Variants in RAB5A observed in about 807,000 individuals in gnomAD.
RAB5A encodes RAB5A, member RAS oncogene family.
A neutral mutation model predicts 25.7 loss-of-function variants in RAB5A; 8 were observed. The ratio of observed to expected loss-of-function variants is 0.31; its 90% CI spans 0.18 to 0.56. The LOEUF is 0.56. Among genes scored for constraint, RAB5A ranks in the 20% least tolerant of loss-of-function variants. RAB5A has a pLI of 0.91. For synonymous variants in RAB5A, 98 were observed against 89.8 expected (o/e 1.09, Z -0.52); for missense variants, 192 against 259.7 (o/e 0.74, Z 1.79).
chr3:19,975,960 G>A, intron 3 of RAB5A, 87 bp from the exon 4 acceptor site: 1 of 1,494,956 alleles, frequency 6.7e-7, no homozygotes, highest in Non-Finnish European at 9.0e-7. Flanking sequence ...CAGTCACTTG[G>A]GACAGTCTTT....
chr3:19,958,368 A>AG (rs1696536105), intron 2 of RAB5A, among the ~76,000 whole-genome samples: 3 of 152,242 alleles, frequency 2.0e-5, no homozygotes, highest in African/African-American at 7.2e-5. Flanking sequence ...ACCTAAAAAA[A>AG]TCTTTCGGTA....
chr3:19,959,734 G>T (rs1310343909), intron 2 of RAB5A, among the ~76,000 whole-genome samples: 1 of 149,934 alleles, frequency 6.7e-6, no homozygotes, highest in East Asian at 2.0e-4. Flanking sequence ...TCAAGCAGTC[G>T]TCTCACCTCA....
rs1234243731 is a variant in RAB5A at position 19,984,282 on chromosome 3, C to T, written c.*459C>T. On this transcript the variant is annotated 3_prime_UTR_variant, in exon 6 of 6. Coordinates refer to ENST00000273047, the MANE Select transcript of RAB5A (RefSeq NM_004162.5). ...TAGCCATAGTATTCAGGCAAATGTT[C>T]ATTTCTCCTGGTACCTGTATTTAAA... The T allele has an allele frequency of 2.3e-6, 1 of 429,444 alleles. No individual in the cohort carries two copies. Among genetic ancestry groups the T allele is most frequent in the Non-Finnish European group, 4.6e-6 (1 of 219,710 alleles). The allele number at this position is 429,444 out of a possible 1,614,324, so 26.6% of individuals were successfully genotyped here.
At chr3:19,964,531 C>T (rs2125185553) in intron 2 of RAB5A, among the ~76,000 whole-genome samples, 1 of 152,296 alleles carries the variant, frequency 6.6e-6, no homozygotes, top group South Asian at 2.1e-4. Flanking sequence ...GGGTCTTAGC[C>T]CTGAAGGCGC....
intron 2 of RAB5A, among the ~76,000 whole-genome samples, chr3:19,959,134 A>G (rs1370974358): frequency 6.6e-6 from 1 of 152,178 alleles, no homozygotes; most frequent in Admixed American, 6.5e-5. Context: ...GAAGTATTCA[A>G]GCTGTTTGGT....
At chr3:19,975,011 A>C (rs1696802502) in intron 2 of RAB5A, among the ~76,000 whole-genome samples, 1 of 152,168 alleles carries the variant, frequency 6.6e-6, no homozygotes. Flanking sequence ...GGATCACCTG[A>C]GATCAGGAGT....
rs1425906179 is a variant in RAB5A at position 19,978,333 on chromosome 3, CAAT to C, written c.464_466del (p.Asn155del). ...AGGAAGCACAGTCCTATGCAGATGA[CAAT>C]AGTTTATTATTCATGGAGACATCCG... On this transcript the variant is annotated inframe_deletion, in exon 5 of 6. Transcript: ENST00000273047. The C allele has an allele frequency of 1.2e-6, 2 of 1,609,974 alleles. No homozygotes were observed. Among genetic ancestry groups the C allele is most frequent in the South Asian group, 2.2e-5 (2 of 90,916 alleles).
At chr3:19,956,409 G>C (rs572607450) in intron 2 of RAB5A, among the ~76,000 whole-genome samples, 1 of 151,664 alleles carries the variant, frequency 6.6e-6, no homozygotes, top group Admixed American at 6.6e-5. Context: ...AGCCGAGATC[G>C]CGCCATTGCA....
At chr3:19,973,381 C>CTT (rs34334260) in intron 2 of RAB5A, among the ~76,000 whole-genome samples, 100 of 143,848 alleles carry the variant, frequency 7.0e-4, no homozygotes, top group South Asian at 1.7e-3. Flanking sequence ...ATTTTAATTC[C>CTT]TTTTTTTTTT....
At chr3:19,969,047 T>TTG (rs1456173415) in intron 2 of RAB5A, among the ~76,000 whole-genome samples, 2 of 135,258 alleles carry the variant, frequency 1.5e-5, no homozygotes, top group Non-Finnish European at 3.1e-5. Flanking sequence ...TTTTTTTGGT[T>TTG]TTTTTTTTTT....
rs370623158 is a variant in RAB5A at position 19,952,900 on chromosome 3, A to G, written c.163+1839A>G. On this transcript the variant is annotated intron_variant, in intron 2 of 5. Transcript: ENST00000273047. ...TGATTTGGTCAAAGCTAACTGTCCC[A>G]TCTAGTAGGAAAAGTTTAAAGACTG... Among the ~76,000 whole-genome samples the G allele has an allele frequency of 4.1e-4, 62 of 150,196 alleles. 2 individuals are homozygous for G. The East Asian group carries it at 4.4e-3, about 11-fold the overall frequency.
chr3:19,974,692 G>A lies in RAB5A; in HGVS notation c.164-909G>A, dbSNP rs571613826. On this transcript the variant is annotated intron_variant, in intron 2 of 5. Transcript: ENST00000273047. ...CTCAGCACTTTTGGGAGGCACTCCAGCCTGGGAGATAGAGCAAGACTGTGT... is the reference window on the plus strand; with the variant it reads ...CTCAGCACTTTTGGGAGGCACTCCAACCTGGGAGATAGAGCAAGACTGTGT... 7.0e-5 allele frequency among the ~76,000 whole-genome samples: 10 copies of A among 142,928 alleles called. No homozygotes were observed. The South Asian group carries it at 2.1e-3, about 31-fold the overall frequency. 93.8% of individuals were successfully genotyped at this position (142,928 alleles called of 152,430 possible).
intron 5 of RAB5A, chr3:19,980,251 A>G (rs1428740616): frequency 6.6e-6 from 1 of 152,210 alleles, no homozygotes; most frequent in African/African-American, 2.4e-5. Flanking sequence ...CACAATATTT[A>G]AACTCTACCA....
In RAB5A at chr3:19,977,330, T is replaced by A. The variant is rs1318226737; in HGVS notation, c.439-980T>A. Among the ~76,000 whole-genome samples the A allele has an allele frequency of 2.0e-5, 3 of 152,160 alleles. No individual in the cohort carries two copies. The East Asian group carries it at 5.8e-4, about 29-fold the overall frequency. On this transcript the variant is annotated intron_variant, in intron 4 of 5. Transcript: ENST00000273047. ...ACCTTGTGATCCACCCGCCTCCGCC[T>A]CCAAAAGTGCTAGGATTACAGGCGT...
At position 19,983,792 on chromosome 3, in the gene RAB5A, A is replaced by G; in HGVS notation, c.617A>G (p.Gln206Arg). The G allele has an allele frequency of 2.5e-6, 4 of 1,610,978 alleles. No homozygotes were observed. The highest frequency in any genetic ancestry group is 3.4e-6 in the Non-Finnish European group (4 of 1,177,762). The change falls in exon 6 of 6, where the codon CAA becomes CGA. Residue 206 changes from glutamine to arginine, a missense_variant. Gln to Arg is a conservative substitution (Grantham distance 43). Coordinates refer to ENST00000273047, the MANE Select transcript of RAB5A (RefSeq NM_004162.5). The part of the protein sequence containing the change: ...GRGVDLTEPT[Q>R]PTRNQCCSN ...GGAGTAGACCTTACCGAACCCACAC[A>G]ACCAACCAGGAATCAGTGTTGTAGT... is the stretch of plus-strand genomic sequence containing the variant.
At chr3:19,978,441 C>T (rs1383099725) in intron 5 of RAB5A, 38 bp downstream of exon 5, 2 of 1,448,088 alleles carry the variant, frequency 1.4e-6, no homozygotes, top group East Asian at 2.3e-5. Context: ...TCAATATAAG[C>T]AAAACAAGTG....
At chr3:19,972,321 A>G (rs1005836714) in intron 2 of RAB5A, among the ~76,000 whole-genome samples, 2 of 152,236 alleles carry the variant, frequency 1.3e-5, no homozygotes, top group African/African-American at 4.8e-5. Context: ...CATTTCAGAT[A>G]AGGGATACTT....
chr3:19,981,712 G>A (rs946623078), intron 5 of RAB5A, among the ~76,000 whole-genome samples: 5 of 152,110 alleles, frequency 3.3e-5, no homozygotes, highest in African/African-American at 1.2e-4. Flanking sequence ...TATCCAGCAG[G>A]TAAGTTTTTT....
chr3:19,979,197 G>A (rs578139205), intron 5 of RAB5A, among the ~76,000 whole-genome samples: 3 of 151,578 alleles, frequency 2.0e-5, no homozygotes, highest in East Asian at 1.9e-4. Flanking sequence ...GGCTGGTCTC[G>A]AACTCCTGAT....
Sources: gnomAD v4.1 joint callset for allele counts (sites outside exome capture counted in the v4.1 genomes callset) on GRCh38, gnomAD v4.1.1 for gene constraint, MANE v1.5 for transcripts, NCBI Gene and HGNC (gene_info 2026-07-23, HGNC 2026-07-21) for gene names.